Variants in RAPGEF4 observed in about 807,000 individuals in gnomAD.
RAPGEF4 encodes RAP guanine-nucleotide-exchange factor (GEF) 4.
RAPGEF4 carries 66 observed loss-of-function variants against 147.9 expected under a neutral mutation model. That is an observed-to-expected ratio of 0.45 (90% CI 0.37 to 0.55). The LOEUF is 0.55. Ranked by LOEUF, RAPGEF4 falls within the 20% of genes least tolerant of loss-of-function variation. The pLI, the probability that RAPGEF4 is intolerant of heterozygous loss-of-function variation, is 0.00. For synonymous variants in RAPGEF4, 419 were observed against 442.7 expected, an observed-to-expected ratio of 0.95 and a Z score of 0.67; for missense variants, 1,071 against 1,257.3, an observed-to-expected ratio of 0.85 and a Z score of 2.24.
chr2:172,936,591 T>G (rs999114336), intron 6 of RAPGEF4, among the ~76,000 whole-genome samples: 5 of 136,210 alleles, frequency 3.7e-5, no homozygotes, highest in East Asian at 4.4e-4. Context: ...ATTTTTATTG[T>G]TTTTTTTTTG....
chr2:172,874,719 TG>T (rs1189161526), intron 4 of RAPGEF4, among the ~76,000 whole-genome samples: 1 of 152,222 alleles, frequency 6.6e-6, no homozygotes, highest in Non-Finnish European at 1.5e-5. Flanking sequence ...CATGTGCATG[TG>T]TCTTTATAGC....
chr2:173,037,673 T>C (rs894917905), intron 29 of RAPGEF4, among the ~76,000 whole-genome samples: 2 of 152,134 alleles, frequency 1.3e-5, no homozygotes, highest in Non-Finnish European at 2.9e-5. Context: ...GGTGAGCATT[T>C]GCCCGGTCAT....
At chr2:173,043,126 C>T (rs1328758458) in intron 29 of RAPGEF4, among the ~76,000 whole-genome samples, 1 of 152,126 alleles carries the variant, frequency 6.6e-6, no homozygotes, top group Non-Finnish European at 1.5e-5. Flanking sequence ...AAATTCTTGT[C>T]CCAAATATGT....
At chr2:172,862,831 A>G (rs904937249) in intron 4 of RAPGEF4, among the ~76,000 whole-genome samples, 2 of 152,172 alleles carry the variant, frequency 1.3e-5, no homozygotes, top group African/African-American at 4.8e-5. Flanking sequence ...AGGAATTAAG[A>G]GAAGAGATGT....
At chr2:172,924,854 A>G (rs192987432) in intron 6 of RAPGEF4, among the ~76,000 whole-genome samples, 10 of 152,196 alleles carry the variant, frequency 6.6e-5, no homozygotes, top group Non-Finnish European at 1.2e-4. Flanking sequence ...CATTTAGACT[A>G]TTGTTTCAGT....
intron 6 of RAPGEF4, among the ~76,000 whole-genome samples, chr2:172,939,305 T>C (rs2105318045): frequency 6.6e-6 from 1 of 152,332 alleles, no homozygotes; most frequent in Admixed American, 6.5e-5. Context: ...TCCTTTGTTC[T>C]GCATCCTTGC....
chr2:172,804,089 G>A (rs1013633786), intron 3 of RAPGEF4, among the ~76,000 whole-genome samples: 6 of 151,880 alleles, frequency 4.0e-5, no homozygotes, highest in Non-Finnish European at 7.4e-5. Context: ...CAGCCAAACT[G>A]TATCAGTATG....
intron 4 of RAPGEF4, among the ~76,000 whole-genome samples, chr2:172,819,771 T>C (rs1688893295): frequency 6.6e-6 from 1 of 152,190 alleles, no homozygotes; most frequent in Non-Finnish European, 1.5e-5. Flanking sequence ...GGCCCATTTT[T>C]AGTTCTTGAG....
At chr2:172,809,916 T>C (rs1377210732) in intron 3 of RAPGEF4, among the ~76,000 whole-genome samples, 1 of 152,106 alleles carries the variant, frequency 6.6e-6, no homozygotes, top group African/African-American at 2.4e-5. Flanking sequence ...CTAAGGAGGA[T>C]CAAGTGGATC....
At chr2:172,877,527 A>T (rs2149837895) in intron 4 of RAPGEF4, among the ~76,000 whole-genome samples, 1 of 141,500 alleles carries the variant, frequency 7.1e-6, no homozygotes, top group Admixed American at 7.0e-5. Context: ...AACTTAAAGT[A>T]TAAAAAAAAA....
chr2:172,821,489 C>A, intron 4 of RAPGEF4: 1 of 775,100 alleles, frequency 1.3e-6, no homozygotes, highest in Non-Finnish European at 1.6e-6. Context: ...AAAAATATAT[C>A]CAAAAATAAA....
chr2:173,003,663 G>A (rs115221561), intron 17 of RAPGEF4, among the ~76,000 whole-genome samples: 1,709 of 151,764 alleles, frequency 0.011, 19 homozygotes, highest in Non-Finnish European at 0.019. Context: ...AAATAGCTGA[G>A]TTCTCCAGAT....
At chr2:172,955,944 T>C (rs1035346242) in intron 6 of RAPGEF4, among the ~76,000 whole-genome samples, 2 of 152,244 alleles carry the variant, frequency 1.3e-5, no homozygotes, top group Non-Finnish European at 2.9e-5. Flanking sequence ...GCCTTTGGGC[T>C]GGTTTTCTTT....
chr2:173,000,747 T>C (rs932227317), intron 16 of RAPGEF4, among the ~76,000 whole-genome samples: 1 of 125,924 alleles, frequency 7.9e-6, no homozygotes, highest in Non-Finnish European at 1.7e-5. Flanking sequence ...CTTTTCTTTC[T>C]TTCTTTTTTT....
rs375404385 is a variant in RAPGEF4 at position 172,967,359 on chromosome 2, G to C, written c.919G>C (p.Glu307Gln). The C allele has an allele frequency of 6.2e-7, 1 of 1,612,148 alleles. No individual in the cohort carries two copies. Among genetic ancestry groups the C allele is most frequent in the South Asian group, 1.1e-5 (1 of 90,946 alleles). Residue 307 changes from glutamate to glutamine, a missense_variant, in exon 10 of 31, where the codon GAG (glutamate) becomes CAG (glutamine). By Grantham distance (29) the Glu-to-Gln change is conservative (BLOSUM62 2). Coordinates refer to ENST00000397081, the MANE Select transcript of RAPGEF4 (RefSeq NM_007023.4). ...TTTGCCTACTGAGGAGGAGAAGAAG[G>C]AGTGTGATGAGGAGCTCCAGGACAC... ...APLPTEEEKK[E>Q]CDEELQDTML...
chr2:172,960,113 T>C (rs1689135178), intron 6 of RAPGEF4, among the ~76,000 whole-genome samples: 1 of 152,044 alleles, frequency 6.6e-6, no homozygotes, highest in Admixed American at 6.6e-5. Flanking sequence ...AGAATGTAGA[T>C]AATCATATGC....
At chr2:172,857,501 A>G (rs1693561783) in intron 4 of RAPGEF4, among the ~76,000 whole-genome samples, 3 of 152,250 alleles carry the variant, frequency 2.0e-5, no homozygotes, top group Non-Finnish European at 4.4e-5. Context: ...TTCAAGGATC[A>G]TGAGCTCTTG....
rs139792821 is a variant in RAPGEF4 at position 172,785,752 on chromosome 2, C to T, written c.66-9273C>T. On this transcript the variant is annotated intron_variant, in intron 1 of 30. Coordinates refer to ENST00000397081, the MANE Select transcript of RAPGEF4 (RefSeq NM_007023.4). ...GGTCCATTTCTTGGCCAAGCTTTTTCTTTATAATTATGGGAAGGCACTGGG... is the reference window on the plus strand; with the variant it reads ...GGTCCATTTCTTGGCCAAGCTTTTTTTTTATAATTATGGGAAGGCACTGGG... Among the ~76,000 whole-genome samples the T allele has an allele frequency of 3.8e-3, 584 of 152,216 alleles. 3 individuals are homozygous for T. Among genetic ancestry groups the T allele is most frequent in the African/African-American group, 0.014 (570 of 41,544 alleles).
chr2:172,815,183 G>C (rs1574927104), intron 4 of RAPGEF4, among the ~76,000 whole-genome samples: 2 of 152,346 alleles, frequency 1.3e-5, no homozygotes, highest in African/African-American at 4.8e-5. Flanking sequence ...GTATGTCCAA[G>C]TGTTAAACCA....
Sources: gnomAD v4.1 joint callset for allele counts (sites outside exome capture counted in the v4.1 genomes callset) on GRCh38, gnomAD v4.1.1 for gene constraint, MANE v1.5 for transcripts, NCBI Gene and HGNC (gene_info 2026-07-23, HGNC 2026-07-21) for gene names.